STK3: variants seen among roughly 807,000 people sequenced by gnomAD.
The protein encoded by STK3 is serine/threonine-protein kinase 3.
A neutral mutation model predicts 58.0 loss-of-function variants in STK3; 41 were observed. That is an observed-to-expected ratio of 0.71 (90% CI 0.55 to 0.92). STK3 has a LOEUF of 0.92. Among genes scored for constraint, STK3 ranks in the 40% least tolerant of loss-of-function variants. The pLI is 0.00. For synonymous variants in STK3, 170 were observed against 191.0 expected (o/e 0.89, Z 0.91); for missense variants, 479 against 602.7 (o/e 0.79, Z 2.15).
At chr8:98,693,501 G>A (rs1433980482) in intron 6 of STK3, among the ~76,000 whole-genome samples, 8 of 152,254 alleles carry the variant, frequency 5.3e-5, no homozygotes, top group African/African-American at 1.7e-4. Flanking sequence ...AAACAGGATT[G>A]CAGGCAGCCA....
At chr8:98,885,732 A>G (rs1007312249) in intron 1 of STK3, among the ~76,000 whole-genome samples, 3 of 152,194 alleles carry the variant, frequency 2.0e-5, no homozygotes, top group African/African-American at 2.4e-5. Context: ...GAGCCACCGC[A>G]GCAGGCTGAT....
intron 6 of STK3, among the ~76,000 whole-genome samples, chr8:98,701,637 T>G (rs1366455734): frequency 6.7e-6 from 1 of 148,768 alleles, no homozygotes; most frequent in African/African-American, 2.5e-5. Flanking sequence ...AAAATATATA[T>G]ATATATATAT....
chr8:98,880,555 G>A (rs72668425), downstream of STK3: 1 of 152,042 alleles, frequency 6.6e-6, no homozygotes, highest in African/African-American at 2.4e-5. Context: ...TTCATTTGTT[G>A]AGAAAGAATA....
At chr8:98,895,164 G>A (rs749174847) in intron 1 of STK3, among the ~76,000 whole-genome samples, 23 of 152,110 alleles carry the variant, frequency 1.5e-4, no homozygotes, top group Admixed American at 3.3e-4. Flanking sequence ...GGGCCACAAA[G>A]GGATTAAAGT....
intron 3 of STK3, among the ~76,000 whole-genome samples, chr8:98,417,040 C>T (rs1818123425): frequency 6.6e-6 from 1 of 152,196 alleles, no homozygotes; most frequent in Non-Finnish European, 1.5e-5. Flanking sequence ...TAACTGACAG[C>T]TGCTCCCAGG....
rs185766685 is a variant in STK3, at chr8:98,749,835, A to T, written c.237-445T>A. 6.7e-3 allele frequency among the ~76,000 whole-genome samples: 1,022 copies of T among 152,254 alleles called. 7 individuals carry two copies. The highest frequency in any genetic ancestry group is 0.023 in the African/African-American group (958 of 41,562). On this transcript the variant is annotated intron_variant, in intron 3 of 10. Transcript: ENST00000419617. ...AATTTTCTTTCATTCTGGCTTTTGA[A>T]AATTCTAGAGAAAAAAAATTATAAA...
chr8:98,520,464 G>T (rs766161530), intron 10 of STK3, among the ~76,000 whole-genome samples: 1 of 152,080 alleles, frequency 6.6e-6, no homozygotes, highest in Non-Finnish European at 1.5e-5. Context: ...CTGCACATCT[G>T]TCTAGCAGGT....
chr8:98,801,650 C>G (rs1041562852), intron 1 of STK3, among the ~76,000 whole-genome samples: 1 of 152,120 alleles, frequency 6.6e-6, no homozygotes, highest in African/African-American at 2.4e-5. Flanking sequence ...GGAAGAAACT[C>G]CAAACGTGTC....
At chr8:98,400,412 C>T (rs1009248089), downstream of STK3, among the ~76,000 whole-genome samples, 4 of 152,228 alleles carry the variant, frequency 2.6e-5, no homozygotes, top group Non-Finnish European at 5.9e-5. Flanking sequence ...ACACAGCAGG[C>T]GCCTGCCGTA....
chr8:98,655,893 G>A (rs1821456459), intron 6 of STK3, among the ~76,000 whole-genome samples: 1 of 152,220 alleles, frequency 6.6e-6, no homozygotes, highest in Non-Finnish European at 1.5e-5. Flanking sequence ...TGGTGGGAAT[G>A]TAAATGAGTT....
intron 6 of STK3, among the ~76,000 whole-genome samples, chr8:98,685,314 T>C (rs976052895): frequency 6.6e-6 from 1 of 152,180 alleles, no homozygotes; most frequent in Non-Finnish European, 1.5e-5. Flanking sequence ...ATTACCAAAC[T>C]AATCATGTGT....
At chr8:98,569,045 T>C (rs1051456977) in intron 8 of STK3, among the ~76,000 whole-genome samples, 1 of 152,122 alleles carries the variant, frequency 6.6e-6, no homozygotes, top group South Asian at 2.1e-4. Flanking sequence ...ATCCAAAAAC[T>C]CCCACATTCA....
chr8:98,712,407 C>G (rs1437500516), intron 4 of STK3, among the ~76,000 whole-genome samples: 1 of 152,060 alleles, frequency 6.6e-6, no homozygotes, highest in Non-Finnish European at 1.5e-5. Flanking sequence ...AGCAGAGACA[C>G]ACATAGGCTC....
chr8:98,576,862 G>C (rs1813438678), intron 8 of STK3, among the ~76,000 whole-genome samples: 1 of 152,134 alleles, frequency 6.6e-6, no homozygotes, highest in Non-Finnish European at 1.5e-5. Context: ...GTCCCTCAGG[G>C]AACCACCAGA....
chr8:98,665,750 C>G (rs1822299707), intron 6 of STK3, among the ~76,000 whole-genome samples: 1 of 149,704 alleles, frequency 6.7e-6, no homozygotes, highest in South Asian at 2.1e-4. Context: ...GTCGCCCAGG[C>G]TGGAGTGCAG....
chr8:98,908,953 C>G (rs1839027413), intron 1 of STK3, among the ~76,000 whole-genome samples: 2 of 151,336 alleles, frequency 1.3e-5, no homozygotes, highest in African/African-American at 4.9e-5. Flanking sequence ...GTCAGGAGTT[C>G]AAGACCAGCC....
At chr8:98,371,974 G>A (rs1291113538) in intron 2 of STK3, among the ~76,000 whole-genome samples, 3 of 152,166 alleles carry the variant, frequency 2.0e-5, no homozygotes, top group Non-Finnish European at 4.4e-5. Flanking sequence ...CATACTGAGT[G>A]GGATCAGGGG....
At chr8:98,757,194 T>A (rs1403841606) in intron 3 of STK3, among the ~76,000 whole-genome samples, 2 of 151,712 alleles carry the variant, frequency 1.3e-5, no homozygotes, top group Non-Finnish European at 2.9e-5. Flanking sequence ...ATACTTTTTT[T>A]TTTTGAGACA....
upstream of STK3, among the ~76,000 whole-genome samples, chr8:98,829,690 G>T (rs904031703): frequency 2.0e-5 from 3 of 152,136 alleles, no homozygotes; most frequent in Non-Finnish European, 2.9e-5. Context: ...TCCAAAGCTG[G>T]AACTTATTCC....
Sources: gnomAD v4.1 joint callset for allele counts (sites outside exome capture counted in the v4.1 genomes callset) on GRCh38, gnomAD v4.1.1 for gene constraint, MANE v1.5 for transcripts, NCBI Gene and HGNC (gene_info 2026-07-23, HGNC 2026-07-21) for gene names.